SNX21: variants seen among roughly 807,000 people sequenced by gnomAD.
The protein encoded by SNX21 is sorting nexin family member 21, also known as sorting nexin-21.
In SNX21, 36 loss-of-function variants were observed where a neutral mutation model predicts 30.9. That is an observed-to-expected ratio of 1.16 (90% confidence interval 0.89 to 1.54). The LOEUF is 1.54. Among genes scored for constraint, SNX21 ranks in the 40% most tolerant of loss-of-function variants. SNX21 has a pLI of 0.00. For missense variants in SNX21, 508 were observed against 516.5 expected (o/e 0.98, Z 0.16); for synonymous variants, 218 against 222.7 (o/e 0.98, Z 0.19).
Position 45,842,009 on chromosome 20 carries a change from CTTT to C in SNX21, c.*707_*709del, listed in dbSNP as rs370136124. 154 of 1,477,480 alleles carry C rather than the reference CTTT, an allele frequency of 1.0e-4. No individual in the cohort carries two copies. The highest frequency in any genetic ancestry group is 4.9e-4 in the East Asian group (20 of 41,108). The allele number at this position is 1,477,480 out of a possible 1,614,324, so 91.5% of individuals were successfully genotyped here. A position where few individuals can be genotyped will look rare whatever the true frequency, so the allele number is the denominator to read the frequency against. ...GCCTGCTTCAGAACAGCCAAATACA[CTTT>C]TTTTTTTTTTCCTGAAACAGAGTCT... is the stretch of plus-strand genomic sequence containing the variant. On this transcript the variant is annotated 3_prime_UTR_variant, in exon 4 of 4. Coordinates refer to ENST00000491381, the MANE Select transcript of SNX21 (RefSeq NM_033421.4).
In SNX21 at chr20:45,841,271, C is replaced by T. The variant is rs1369586517; in HGVS notation, c.1080C>T (p.Pro360=). ...LQEAGLTPTP[P]PSLKELLIKE... ...AGGCAGGCCTTACCCCCACACCACC[C>T]CCCAGTCTCAAAGAATTGCTCATCA... The change falls in exon 4 of 4, where the codon CCC becomes CCT. Residue 360 remains proline, a synonymous_variant. Coordinates refer to ENST00000491381, the MANE Select transcript of SNX21 (RefSeq NM_033421.4). 3.6e-5 allele frequency: 57 copies of T among 1,588,290 alleles called. No individual in the cohort carries two copies. Among genetic ancestry groups the T allele is most frequent in the Non-Finnish European group, 4.9e-5 (57 of 1,170,008 alleles).
intron 3 of SNX21, chr20:45,840,402 C>T (rs1983954114): frequency 6.2e-7 from 1 of 1,614,214 alleles, no homozygotes; most frequent in African/African-American, 1.3e-5. Flanking sequence ...TGAAGCTCAT[C>T]TCTGTCTTTC....
At chr20:45,835,431 G>C (rs1186618064) in intron 3 of SNX21, among the ~76,000 whole-genome samples, 1 of 152,196 alleles carries the variant, frequency 6.6e-6, no homozygotes, top group Non-Finnish European at 1.5e-5. Context: ...GAGATACAGA[G>C]AGACAGATGT....
In SNX21 at chr20:45,842,857, T is replaced by C; in HGVS notation, c.*1544T>C. The C allele has an allele frequency of 1.1e-5, 11 of 996,414 alleles. No homozygotes were observed. Among genetic ancestry groups the C allele is most frequent in the Non-Finnish European group, 1.3e-5 (11 of 835,852 alleles). 61.7% of individuals were successfully genotyped at this position (996,414 alleles called of 1,614,324 possible). On this transcript the variant is annotated 3_prime_UTR_variant, in exon 4 of 4. Coordinates refer to ENST00000491381, the MANE Select transcript of SNX21 (RefSeq NM_033421.4). ...CCCCTTATCTGAGTATAAAGAATCC[T>C]TGAGTTTTGTCCTTGGTTTATCAAG...
chr20:45,833,979 G>A (rs952733581), intron 1 of SNX21, 39 bp downstream of exon 1: 2 of 1,437,512 alleles, frequency 1.4e-6, no homozygotes, highest in African/African-American at 1.5e-5. Context: ...CATCGGGAGG[G>A]TCCTGAGCCC....
intron 3 of SNX21, among the ~76,000 whole-genome samples, chr20:45,839,287 G>A (rs949701954): frequency 6.6e-6 from 1 of 152,078 alleles, no homozygotes; most frequent in Non-Finnish European, 1.5e-5. Flanking sequence ...AGGCAAAGGC[G>A]GGCGGATCAC....
chr20:45,838,814 G>C (rs1983760947), intron 3 of SNX21, among the ~76,000 whole-genome samples: 1 of 151,810 alleles, frequency 6.6e-6, no homozygotes, highest in Admixed American at 6.6e-5. Context: ...CCTAGATGTT[G>C]TTGCCTGAAG....
chr20:45,833,853 A>T lies in SNX21; in HGVS notation c.-67A>T. The T allele has an allele frequency of 7.7e-7, 1 of 1,291,276 alleles. No homozygotes were observed. Among genetic ancestry groups the T allele is most frequent in the South Asian group, 2.5e-5 (1 of 39,262 alleles). The allele number at this position is 1,291,276 out of a possible 1,614,324, so 80.0% of individuals were successfully genotyped here. On this transcript the variant is annotated 5_prime_UTR_variant, in exon 1 of 4. Coordinates refer to ENST00000491381, the MANE Select transcript of SNX21 (RefSeq NM_033421.4). ...GCCTGAGCCCGGCGGAGCCCTGCAG[A>T]ACCCGGCCGACCTCCATGGGCTGCG...
At chr20:45,838,043 T>C (rs1983689921) in intron 3 of SNX21, among the ~76,000 whole-genome samples, 1 of 151,768 alleles carries the variant, frequency 6.6e-6, no homozygotes, top group South Asian at 2.1e-4. Flanking sequence ...GTGTTGGGAT[T>C]ACAGGTGTGA....
At position 45,838,428 on chromosome 20, in the gene SNX21, A is replaced by T. The variant is rs189029660; in HGVS notation, c.448-2211A>T. 448 of 151,926 alleles carry T rather than the reference A, an allele frequency of 2.9e-3. 1 individual carries two copies. Among genetic ancestry groups the T allele is most frequent in the Middle Eastern group, 7.5e-3 (3 of 398 alleles). 9.4% of individuals were successfully genotyped at this position (151,926 alleles called of 1,614,324 possible). A position where few individuals can be genotyped will look rare whatever the true frequency, so the allele number is the denominator to read the frequency against. ...AACTTCATAGCACTACCGTACGTGG[A>T]AAGTCTCACTTGCCACCGAGAGAAG... On this transcript the variant is annotated intron_variant, in intron 3 of 3. Coordinates refer to ENST00000491381, the MANE Select transcript of SNX21 (RefSeq NM_033421.4).
chr20:45,842,243 T>C lies in SNX21; in HGVS notation c.*930T>C. ...CTCCAAATGCCCCTTCATGAGCTTA[T>C]TATGGACCGTCATTGAGGGGTAACT... On this transcript the variant is annotated 3_prime_UTR_variant, in exon 4 of 4. Coordinates refer to ENST00000491381, the MANE Select transcript of SNX21 (RefSeq NM_033421.4). 1.4e-6 allele frequency: 2 copies of C among 1,440,024 alleles called. No homozygotes were observed. Among genetic ancestry groups the C allele is most frequent in the South Asian group, 3.0e-5 (2 of 66,922 alleles). The allele number at this position is 1,440,024 out of a possible 1,614,324, so 89.2% of individuals were successfully genotyped here.
chr20:45,836,788 G>C (rs552593978), intron 3 of SNX21, among the ~76,000 whole-genome samples: 57 of 152,286 alleles, frequency 3.7e-4, no homozygotes, highest in African/African-American at 1.3e-3. Flanking sequence ...GGATGGGAAG[G>C]GATGACAAGA....
rs778258376 is a variant in SNX21, at chr20:45,833,870, T to A, written c.-50T>A. The A allele has an allele frequency of 1.5e-6, 2 of 1,326,160 alleles. No homozygotes were observed. Among genetic ancestry groups the A allele is most frequent in the South Asian group, 2.2e-5 (1 of 46,508 alleles). The allele number at this position is 1,326,160 out of a possible 1,614,324, so 82.1% of individuals were successfully genotyped here. A position where few individuals can be genotyped will look rare whatever the true frequency, so the allele number is the denominator to read the frequency against. On this transcript the variant is annotated 5_prime_UTR_variant, in exon 1 of 4. An upstream start codon of the reference 5' UTR is lost. Transcript: ENST00000491381. Reference sequence around the variant, plus strand: ...CCCTGCAGAACCCGGCCGACCTCCATGGGCTGCGGGGGGCTGCACCCGGAC... The same window carrying A: ...CCCTGCAGAACCCGGCCGACCTCCAAGGGCTGCGGGGGGCTGCACCCGGAC...
Position 45,841,529 on chromosome 20 carries a change from T to G in SNX21, c.*216T>G. The G allele has an allele frequency of 1.4e-5, 19 of 1,387,052 alleles. No homozygotes were observed. Among genetic ancestry groups the G allele is most frequent in the Non-Finnish European group, 1.8e-5 (19 of 1,078,138 alleles). 85.9% of individuals were successfully genotyped at this position (1,387,052 alleles called of 1,614,324 possible). On this transcript the variant is annotated 3_prime_UTR_variant, in exon 4 of 4. Coordinates refer to ENST00000491381, the MANE Select transcript of SNX21 (RefSeq NM_033421.4). ...TGCCCTTGTGTAGTACAGGGAAGTC[T>G]GACACAGCCTCTCCAGCCTATAAAC...
Position 45,841,294 on chromosome 20 carries a change from T to C in SNX21, c.1103T>C (p.Ile368Thr). Reference protein sequence around the residue: ...TPPPSLKELLIKEVLD With the variant: ...TPPPSLKELLTKEVLD ...CCCCCCAGTCTCAAAGAATTGCTCA[T>C]CAAGGAGGTGCTGGACTAACCCTTG... is the stretch of plus-strand genomic sequence containing the variant. The change falls in exon 4 of 4, where the codon ATC becomes ACC. Residue 368 changes from isoleucine to threonine, a missense_variant. Ile to Thr is a moderately conservative substitution (Grantham distance 89). Coordinates refer to ENST00000491381, the MANE Select transcript of SNX21 (RefSeq NM_033421.4). The C allele has an allele frequency of 6.4e-7, 1 of 1,573,340 alleles. No homozygotes were observed. Among genetic ancestry groups the C allele is most frequent in the Non-Finnish European group, 8.6e-7 (1 of 1,162,732 alleles).
Position 45,834,269 on chromosome 20 carries a change from G to T in SNX21, c.90G>T (p.Ala30=). 6.3e-7 allele frequency: 1 copy of T among 1,584,442 alleles called. No individual in the cohort carries two copies. The highest frequency in any genetic ancestry group is 2.3e-5 in the East Asian group (1 of 44,198). Residue 30 remains alanine, a synonymous_variant, in exon 2 of 4, where the codon GCG becomes GCT. Coordinates refer to ENST00000491381, the MANE Select transcript of SNX21 (RefSeq NM_033421.4). ...TGGCCGGCGACGGCCCCGGGGAGGC[G>T]GCGGCCAGTCCAGAGGCCGAGCAGT... ...HALAGDGPGE[A]AASPEAEQFP...
chr20:45,841,368 G>A lies in SNX21; in HGVS notation c.*55G>A, dbSNP rs563104649. On this transcript the variant is annotated 3_prime_UTR_variant, in exon 4 of 4. Coordinates refer to ENST00000491381, the MANE Select transcript of SNX21 (RefSeq NM_033421.4). Reference sequence around the variant, plus strand: ...GAGAGGGGTTGCCCCAGAAGGCAGGGGAAGGACCTGATGAGAACAGAATAG... The same window carrying A: ...GAGAGGGGTTGCCCCAGAAGGCAGGAGAAGGACCTGATGAGAACAGAATAG... The A allele has an allele frequency of 5.9e-6, 9 of 1,514,046 alleles. No homozygotes were observed. Among genetic ancestry groups the A allele is most frequent in the Middle Eastern group, 1.8e-4 (1 of 5,588 alleles). The allele number at this position is 1,514,046 out of a possible 1,614,324, so 93.8% of individuals were successfully genotyped here.
Position 45,842,720 on chromosome 20 carries a change from GA to G in SNX21, c.*1410del. 1.0e-6 allele frequency: 1 copy of G among 989,272 alleles called. No homozygotes were observed. The highest frequency in any genetic ancestry group is 1.2e-6 in the Non-Finnish European group (1 of 832,258). The allele number at this position is 989,272 out of a possible 1,614,324, so 61.3% of individuals were successfully genotyped here. Reference sequence around the variant, plus strand: ...TTGTCCAGTTTTCCAGACCAGGACTGAAATCCAGAGAGGGTCAGGAATTTGG... The same window carrying G: ...TTGTCCAGTTTTCCAGACCAGGACTGAATCCAGAGAGGGTCAGGAATTTGG... On this transcript the variant is annotated 3_prime_UTR_variant, in exon 4 of 4. Coordinates refer to ENST00000491381, the MANE Select transcript of SNX21 (RefSeq NM_033421.4).
At chr20:45,834,578 A>G in intron 2 of SNX21, 110 bp downstream of exon 2, 2 of 1,371,008 alleles carry the variant, frequency 1.5e-6, no homozygotes, top group East Asian at 2.5e-5. Context: ...AAACTCCCAC[A>G]CTTCTTAAAG....
Sources: allele counts gnomAD v4.1 joint callset (sites outside exome capture counted in the v4.1 genomes callset), GRCh38; gene constraint gnomAD v4.1.1; transcripts MANE v1.5; gene names NCBI Gene and HGNC (gene_info 2026-07-23, HGNC 2026-07-21).